The following C14orf93 variants were observed in gnomAD, a reference collection of about 807,000 sequenced individuals.
The protein encoded by C14orf93 is chromosome 14 open reading frame 93.
A neutral mutation model predicts 44.0 loss-of-function variants in C14orf93; 23 were observed. The observed-to-expected ratio is 0.52, with a 90% CI of 0.38 to 0.74. The LOEUF is 0.74. Among genes scored for constraint, C14orf93 ranks in the 30% least tolerant of loss-of-function variants. The pLI is 0.00. For missense variants in C14orf93, 579 were observed against 678.9 expected, an observed-to-expected ratio of 0.85 and a Z score of 1.64; for synonymous variants, 253 against 265.7, an observed-to-expected ratio of 0.95 and a Z score of 0.46.
rs142431699 is a variant in C14orf93 at position 22,988,203 on chromosome 14, G to A, written c.1085-188C>T. ...GGCTGGAGTGCAATGGCACAATCTC[G>A]GCTTACCACAACCTCCGCCTCCTGG... is the stretch of plus-strand genomic sequence containing the variant. On this transcript the variant is annotated intron_variant, in intron 5 of 6. Coordinates refer to ENST00000299088, the MANE Select transcript of C14orf93 (RefSeq NM_021944.4). 3.0e-3 allele frequency among the ~76,000 whole-genome samples: 456 copies of A among 150,280 alleles called. 1 individual carries two copies. The highest frequency in any genetic ancestry group is 9.6e-3 in the East Asian group (49 of 5,098).
At chr14:22,993,148 G>A (rs964077311) in intron 3 of C14orf93, among the ~76,000 whole-genome samples, 1 of 152,258 alleles carries the variant, frequency 6.6e-6, no homozygotes, top group Non-Finnish European at 1.5e-5. Context: ...CCAGAGTGCT[G>A]GGATTACAGG....
chr14:22,992,532 C>T (rs2045712202), intron 3 of C14orf93, among the ~76,000 whole-genome samples: 1 of 150,104 alleles, frequency 6.7e-6, no homozygotes, highest in Non-Finnish European at 1.5e-5. Context: ...CCAGTTTTGC[C>T]CATAATAGCA....
intron 1 of C14orf93, chr14:23,002,893 A>G (rs1158720618): frequency 6.6e-6 from 1 of 152,192 alleles, no homozygotes; most frequent in East Asian, 1.9e-4. Flanking sequence ...GGCTTGAAAT[A>G]GAATTTGGGG....
At chr14:23,000,756 T>G (rs1281259128) in intron 1 of C14orf93, among the ~76,000 whole-genome samples, 1 of 148,972 alleles carries the variant, frequency 6.7e-6, no homozygotes, top group Non-Finnish European at 1.5e-5. Flanking sequence ...GTTAAGAGAA[T>G]TTTCTATATA....
At position 23,003,371 on chromosome 14, in the gene C14orf93, T is replaced by C. The variant is rs923389212; in HGVS notation, c.-379-3969A>G. Among the ~76,000 whole-genome samples, 6 of 152,250 alleles carry C rather than the reference T, an allele frequency of 3.9e-5. No homozygotes were observed. The South Asian group carries it at 1.0e-3, about 26-fold the overall frequency. Reference sequence around the variant, plus strand: ...CTAAACTCTAAGATATGGAAAGATATTGGGATCAGCAGGTAATAAACGAGT... The same window carrying C: ...CTAAACTCTAAGATATGGAAAGATACTGGGATCAGCAGGTAATAAACGAGT... On this transcript the variant is annotated intron_variant, in intron 1 of 6. Transcript: ENST00000299088.
At chr14:22,997,299 G>A (rs573060750) in intron 2 of C14orf93, among the ~76,000 whole-genome samples, 1 of 152,134 alleles carries the variant, frequency 6.6e-6, no homozygotes, top group African/African-American at 2.4e-5. Flanking sequence ...TTACACTGGA[G>A]GGGGAGAGAG....
rs750893238 is a variant in C14orf93, at chr14:22,996,017, G to A, written c.849C>T (p.Thr283=). The part of the protein sequence containing the change: ...TGELRHSLGL[T]VSPCRTRGSG... ...TTCCTCTGGTCCTGCATGGGGAAAC[G>A]GTCAGCCCTAGAGAGTGTCTCAGCT... Residue 283 remains threonine (T), a synonymous_variant, in exon 3 of 7, where the codon ACC becomes ACT. Transcript: ENST00000299088. This position sits in a 1 kb window ranked among gnomAD's most constrained non-coding sequence, Gnocchi z 4.1. The A allele has an allele frequency of 1.7e-5, 28 of 1,613,470 alleles. No homozygotes were observed. The highest frequency in any genetic ancestry group is 2.1e-5 in the Non-Finnish European group (25 of 1,179,662).
Position 23,003,077 on chromosome 14 carries a change from C to G in C14orf93, c.-379-3675G>C, listed in dbSNP as rs192707919. 5.3e-5 allele frequency among the ~76,000 whole-genome samples: 8 copies of G among 152,272 alleles called. No homozygotes were observed. In the East Asian group the frequency reaches 1.5e-3, roughly 29 times the overall value. On this transcript the variant is annotated intron_variant, in intron 1 of 6. Transcript: ENST00000299088. ...CTCAGACTAAGGATAATATTTTATG[C>G]TAGTTTTTAATGCTAAATGTATTTT...
intron 1 of C14orf93, among the ~76,000 whole-genome samples, chr14:23,003,663 T>C: frequency 6.6e-6 from 1 of 151,084 alleles, no homozygotes; most frequent in African/African-American, 2.4e-5. Flanking sequence ...TAGCCGCGCA[T>C]GCTGGCGCGT....
At chr14:23,007,804 G>T (rs1368424738) in intron 1 of C14orf93, among the ~76,000 whole-genome samples, 1 of 152,086 alleles carries the variant, frequency 6.6e-6, no homozygotes, top group Non-Finnish European at 1.5e-5. Context: ...AAAAGTATAT[G>T]TGATGACCTG....
intron 5 of C14orf93, among the ~76,000 whole-genome samples, 183 bp from the exon 6 acceptor site, chr14:22,988,198 A>G (rs1298691376): frequency 6.6e-6 from 1 of 151,724 alleles, no homozygotes; most frequent in East Asian, 1.9e-4. Flanking sequence ...CAATGGCACA[A>G]TCTCGGCTTA....
At chr14:22,988,121 A>G (rs2045351830) in intron 5 of C14orf93, 106 bp from the exon 6 acceptor site, 2 of 679,242 alleles carry the variant, frequency 2.9e-6, no homozygotes, top group Admixed American at 2.9e-5. Context: ...GGCGATCACT[A>G]CTTAGATGAG....
At position 22,987,785 on chromosome 14, in the gene C14orf93, T is replaced by C; in HGVS notation, c.1197+118A>G. Reference sequence around the variant, plus strand: ...TCTTAGCATTGGCTCACTGTTCTTCTCTATCTTCCTACATTCCTGGCTCTC... The same window carrying C: ...TCTTAGCATTGGCTCACTGTTCTTCCCTATCTTCCTACATTCCTGGCTCTC... On this transcript the variant is annotated intron_variant, in intron 6 of 6. Transcript: ENST00000299088. The surrounding 1 kb of genome is among the most constrained non-coding windows in gnomAD (Gnocchi z 5.6). 2.5e-6 allele frequency: 3 copies of C among 1,211,662 alleles called. No individual in the cohort carries two copies. The highest frequency in any genetic ancestry group is 4.6e-5 in the Admixed American group (2 of 43,472). 75.1% of individuals were successfully genotyped at this position (1,211,662 alleles called of 1,614,324 possible).
chr14:22,995,689 A>T (rs1196487583), intron 3 of C14orf93, among the ~76,000 whole-genome samples: 1 of 151,218 alleles, frequency 6.6e-6, no homozygotes, highest in Admixed American at 6.6e-5. Flanking sequence ...CAAAAAAAAA[A>T]AAAAAAAAAA....
chr14:23,003,898 A>ATTTTTTTTTTTTTTTT (rs1170432984), intron 1 of C14orf93, among the ~76,000 whole-genome samples: 1 of 10,380 alleles, frequency 9.6e-5, no homozygotes, highest in African/African-American at 5.0e-4. Context: ...ATATATATAT[A>ATTTTTTTTTTTTTTTT]TTTTTTTTTT....
At chr14:23,007,581 C>G (rs1274462583) in intron 1 of C14orf93, among the ~76,000 whole-genome samples, 4 of 152,150 alleles carry the variant, frequency 2.6e-5, no homozygotes, top group African/African-American at 4.8e-5. Context: ...GCAAAATCAA[C>G]AGAGTTTAGT....
At chr14:23,004,589 A>G (rs1373867649) in intron 1 of C14orf93, among the ~76,000 whole-genome samples, 1 of 152,212 alleles carries the variant, frequency 6.6e-6, no homozygotes, top group Non-Finnish European at 1.5e-5. Flanking sequence ...GGGAATGTCT[A>G]AAGAATATGG....
chr14:23,007,983 T>C (rs2046715290), intron 1 of C14orf93, among the ~76,000 whole-genome samples: 1 of 151,536 alleles, frequency 6.6e-6, no homozygotes. Context: ...TGAAACCCCG[T>C]CTCTACTAAA....
chr14:23,003,884 ATATATATATATATATTTTTTTT>A (rs1171282420), intron 1 of C14orf93, among the ~76,000 whole-genome samples: 1 of 14,500 alleles, frequency 6.9e-5, no homozygotes, highest in East Asian at 2.3e-3. Flanking sequence ...ATATATATAT[ATATATATATATATATTTTTTTT>A]TTTTTTTTTT....
Sources: gnomAD v4.1 joint callset for allele counts (sites outside exome capture counted in the v4.1 genomes callset) on GRCh38, gnomAD v4.1.1 for gene constraint, Gnocchi (gnomAD v3.1) non-coding constraint, MANE v1.5 for transcripts, NCBI Gene and HGNC (gene_info 2026-07-23, HGNC 2026-07-21) for gene names.